Variants in PIK3R4 observed in about 807,000 individuals in gnomAD.
PIK3R4 encodes phosphoinositide 3-kinase regulatory subunit 4.
In PIK3R4, 46 loss-of-function variants were observed where a neutral mutation model predicts 136.5. The observed-to-expected ratio is 0.34, with a 90% CI of 0.27 to 0.43. PIK3R4 has a LOEUF of 0.43. Ranked by LOEUF, PIK3R4 falls within the 20% of genes least tolerant of loss-of-function variation. The pLI is 1.00. For missense variants in PIK3R4, 1,331 were observed against 1,649.5 expected (o/e 0.81, Z 3.35); for synonymous variants, 557 against 566.7 (o/e 0.98, Z 0.24).
chr3:130,710,246 C>T (rs2066626731), intron 9 of PIK3R4, among the ~76,000 whole-genome samples: 1 of 151,640 alleles, frequency 6.6e-6, no homozygotes, highest in South Asian at 2.1e-4. Context: ...TACAATATGA[C>T]AAAGCTGTGT....
intron 9 of PIK3R4, 148 bp downstream of exon 9, chr3:130,716,248 G>A: frequency 1.6e-6 from 1 of 637,528 alleles, no homozygotes; most frequent in Non-Finnish European, 2.7e-6. Context: ...GGAATCAAAA[G>A]CAAATGCCTA....
chr3:130,745,940 A>C lies in PIK3R4; in HGVS notation c.-47+378T>G, dbSNP rs760896544. ...CGTGAGGCTGACGCAGAATTGCTTG[A>C]ACCCAGGACGCAGAGGTTGCAGTGA... is the stretch of plus-strand genomic sequence containing the variant. On this transcript the variant is annotated intron_variant, in intron 1 of 19. Transcript: ENST00000356763. 2.5e-4 allele frequency among the ~76,000 whole-genome samples: 38 copies of C among 152,002 alleles called. 1 individual carries two copies. Among genetic ancestry groups the C allele is most frequent in the Admixed American group, 2.2e-3 (33 of 15,268 alleles).
At chr3:130,741,097 T>A (rs984892031) in intron 2 of PIK3R4, among the ~76,000 whole-genome samples, 2 of 152,118 alleles carry the variant, frequency 1.3e-5, no homozygotes, top group Admixed American at 6.5e-5. Flanking sequence ...GCCCCCTGCC[T>A]CCCCTCCTGC....
intron 6 of PIK3R4, among the ~76,000 whole-genome samples, chr3:130,724,154 T>G (rs2066718986): frequency 6.6e-6 from 1 of 152,148 alleles, no homozygotes; most frequent in Non-Finnish European, 1.5e-5. Context: ...GAAAATGGAA[T>G]AGATTCTAAG....
intron 16 of PIK3R4, among the ~76,000 whole-genome samples, chr3:130,681,935 C>A (rs575050137): frequency 6.6e-6 from 1 of 152,066 alleles, no homozygotes; most frequent in Non-Finnish European, 1.5e-5. Context: ...GTCAGTGTGG[C>A]AGGAACAGAC....
chr3:130,697,931 C>T (rs540971034), intron 13 of PIK3R4, among the ~76,000 whole-genome samples: 122 of 152,210 alleles, frequency 8.0e-4, no homozygotes, highest in African/African-American at 2.3e-3. Flanking sequence ...CAATAAATTC[C>T]CTCTTTTTAT....
intron 6 of PIK3R4, among the ~76,000 whole-genome samples, chr3:130,727,651 T>C (rs2066740747): frequency 6.6e-6 from 1 of 152,180 alleles, no homozygotes; most frequent in Admixed American, 6.5e-5. Flanking sequence ...GGAAATGATA[T>C]AATAGGGGGT....
chr3:130,730,429 C>A lies in PIK3R4; in HGVS notation c.1464G>T (p.Leu488=). 6.3e-7 allele frequency: 1 copy of A among 1,581,572 alleles called. No individual in the cohort carries two copies. Among genetic ancestry groups the A allele is most frequent in the Non-Finnish European group, 8.6e-7 (1 of 1,168,082 alleles). Residue 488 remains leucine (L), a synonymous_variant, in exon 5 of 20, where the codon CTG becomes CTT. Coordinates refer to ENST00000356763, the MANE Select transcript of PIK3R4 (RefSeq NM_014602.3). ...GGAATCTCAGAGCTGTTTCTGCCAGCAGAGCTATGTTTTCTATAAAATAAA... is the reference window on the plus strand; with the variant it reads ...GGAATCTCAGAGCTGTTTCTGCCAGAAGAGCTATGTTTTCTATAAAATAAA... ...VRLAYAENIA[L]LAETALRFLE... is the part of the protein sequence containing the mutation.
intron 9 of PIK3R4, among the ~76,000 whole-genome samples, chr3:130,710,067 A>C (rs2066626078): frequency 6.6e-6 from 1 of 152,162 alleles, no homozygotes; most frequent in Admixed American, 6.5e-5. Flanking sequence ...GCACCATGAA[A>C]AAACAAATTG....
At chr3:130,686,887 C>A (rs1392004279) in intron 14 of PIK3R4, among the ~76,000 whole-genome samples, 1 of 152,068 alleles carries the variant, frequency 6.6e-6, no homozygotes, top group Non-Finnish European at 1.5e-5. Flanking sequence ...AGAGAATGTT[C>A]CTCAATTTGG....
chr3:130,716,624 C>A (rs1559826289), intron 8 of PIK3R4, 25 bp from the exon 9 acceptor site: 2 of 1,463,444 alleles, frequency 1.4e-6, no homozygotes, highest in African/African-American at 1.4e-5. Context: ...TAAAAAGGAT[C>A]AGCCAAAAAT....
intron 2 of PIK3R4, among the ~76,000 whole-genome samples, chr3:130,742,186 A>G (rs72998254): frequency 0.024 from 3,625 of 152,342 alleles, 163 homozygotes; most frequent in African/African-American, 0.081. Context: ...TCTTAAGAGC[A>G]CTGGGAAGTG....
At chr3:130,719,116 A>C (rs148387112) in intron 7 of PIK3R4, among the ~76,000 whole-genome samples, 1,794 of 152,326 alleles carry the variant, frequency 0.012, 12 homozygotes, top group Middle Eastern at 0.044. Flanking sequence ...ATGGAAACAA[A>C]AAGGCTGAAA....
chr3:130,688,241 T>C (rs534436542), intron 14 of PIK3R4, among the ~76,000 whole-genome samples: 81 of 152,302 alleles, frequency 5.3e-4, no homozygotes, highest in Non-Finnish European at 9.4e-4. Context: ...CCTGAATATA[T>C]AAACGAAGGG....
At chr3:130,709,655 G>A (rs189470749) in intron 9 of PIK3R4, among the ~76,000 whole-genome samples, 40 of 152,150 alleles carry the variant, frequency 2.6e-4, no homozygotes, top group African/African-American at 9.2e-4. Context: ...GTTAGTCTAT[G>A]TTTTAGTCCA....
chr3:130,691,219 AT>A (rs2066516732), intron 13 of PIK3R4, among the ~76,000 whole-genome samples: 1 of 152,134 alleles, frequency 6.6e-6, no homozygotes, highest in African/African-American at 2.4e-5. Context: ...CAGTTATTCT[AT>A]CACACAGCTT....
Position 130,686,349 on chromosome 3 carries a change from C to T in PIK3R4, c.3337G>A (p.Ala1113Thr). The part of the protein sequence containing the change: ...HFNSGAQSVL[A>T]YATVNGSLVG... ...AGAGAGCCATTCACAGTGGCATAGG[C>T]AAGAACAGACTGTGCTCCAGAGTTG... The change falls in exon 15 of 20, where the codon GCC (alanine) becomes ACC (threonine). Residue 1113 changes from alanine (A) to threonine (T), a missense_variant. This residue lies in a region of PIK3R4 where 1,180 missense variants were observed against 1,407.0 expected (regional missense o/e 0.84). Coordinates refer to ENST00000356763, the MANE Select transcript of PIK3R4 (RefSeq NM_014602.3). 6.2e-7 allele frequency: 1 copy of T among 1,613,352 alleles called. No homozygotes were observed. The highest frequency in any genetic ancestry group is 8.5e-7 in the Non-Finnish European group (1 of 1,179,340).
intron 13 of PIK3R4, among the ~76,000 whole-genome samples, chr3:130,691,490 G>A (rs1485532651): frequency 6.6e-6 from 1 of 151,996 alleles, no homozygotes; most frequent in Admixed American, 6.5e-5. Context: ...TACTCTCTTT[G>A]AATTCACTGC....
intron 7 of PIK3R4, among the ~76,000 whole-genome samples, chr3:130,720,613 C>T (rs2066694334): frequency 6.6e-6 from 1 of 152,294 alleles, no homozygotes; most frequent in African/African-American, 2.4e-5. Context: ...CTTTAAGAGT[C>T]ACTAGGCAGT....
Sources: gnomAD v4.1 joint callset for allele counts (sites outside exome capture counted in the v4.1 genomes callset) on GRCh38, gnomAD v4.1.1 for gene constraint, gnomAD v4.1.1 regional missense constraint, MANE v1.5 for transcripts, NCBI Gene and HGNC (gene_info 2026-07-23, HGNC 2026-07-21) for gene names.